Variants in BMP5 observed in about 807,000 individuals in gnomAD.
BMP5 encodes bone morphogenetic protein 5.
A neutral mutation model predicts 46.6 loss-of-function variants in BMP5; 23 were observed. That is an observed-to-expected ratio of 0.49 (90% CI 0.35 to 0.70). The LOEUF (loss-of-function observed/expected upper bound fraction) is 0.70, where lower values mean the gene tolerates loss of function less well. Ranked by LOEUF, BMP5 falls within the 30% of genes least tolerant of loss-of-function variation. BMP5 has a pLI of 0.00. For synonymous variants in BMP5, 204 were observed against 191.9 expected, an observed-to-expected ratio of 1.06 and a Z score of -0.52; for missense variants, 545 against 565.6, an observed-to-expected ratio of 0.96 and a Z score of 0.37.
intron 3 of BMP5, among the ~76,000 whole-genome samples, chr6:55,790,739 T>G (rs1387511601): frequency 6.6e-6 from 1 of 152,158 alleles, no homozygotes; most frequent in Non-Finnish European, 1.5e-5. Context: ...ATGACTTCCC[T>G]TCCTCTTCAT....
At position 55,766,233 on chromosome 6, in the gene BMP5, T is replaced by C. The variant is rs578221566; in HGVS notation, c.1028-5700A>G. ...TTCTAAAATAACACTTTATCCCTGC[T>C]CCTCTTTGACATCTCTGATTTTTTT... On this transcript the variant is annotated intron_variant, in intron 4 of 6. Transcript: ENST00000370830. 5.9e-5 allele frequency among the ~76,000 whole-genome samples: 9 copies of C among 152,262 alleles called. No homozygotes were observed. In the South Asian group the frequency reaches 6.2e-4, roughly 11 times the overall value.
At position 55,794,418 on chromosome 6, in the gene BMP5, A is replaced by T; in HGVS notation, c.693T>A (p.Asp231Glu). 6.2e-7 allele frequency: 1 copy of T among 1,613,986 alleles called. No individual in the cohort carries two copies. Among genetic ancestry groups the T allele is most frequent in the Non-Finnish European group, 8.5e-7 (1 of 1,179,900 alleles). The change falls in exon 3 of 7, where the codon GAT (aspartate) becomes GAA (glutamate). Residue 231 changes from aspartate (D) to glutamate (E), a missense_variant. By Grantham distance (45) the Asp-to-Glu change is conservative. Transcript: ENST00000370830. ...CCTTTCTTGTGTCTAACAAGAACAG[A>T]TCTGCATCCCTAAAAAGAAAAGGAA... ...IIKEYTNRDA[D>E]LFLLDTRKAQ...
At chr6:55,853,004 C>A (rs1343190233) in intron 1 of BMP5, among the ~76,000 whole-genome samples, 1 of 151,790 alleles carries the variant, frequency 6.6e-6, no homozygotes, top group Admixed American at 6.6e-5. Flanking sequence ...GTGGTGCCCG[C>A]CTGTAGTCCC....
chr6:55,865,333 TAAC>T, intron 1 of BMP5: 1 of 439,530 alleles, frequency 2.3e-6, no homozygotes, highest in South Asian at 1.6e-5. Flanking sequence ...TTCCCCTCCT[TAAC>T]AAGCAAGGAA....
At chr6:55,873,926 C>A (rs1321321581) in intron 1 of BMP5, among the ~76,000 whole-genome samples, 1 of 151,848 alleles carries the variant, frequency 6.6e-6, no homozygotes, top group African/African-American at 2.4e-5. Flanking sequence ...GTAGTTGCCT[C>A]CCCTAGATGA....
rs1192033190 is a variant in BMP5, at chr6:55,754,487, A to C, written c.*1046T>G. ...GTTCTTTAGAAATGGCAATTCTGTC[A>C]AAGCCATTCTGGGACTTTTGGTAAT... On this transcript the variant is annotated 3_prime_UTR_variant, in exon 7 of 7. Transcript: ENST00000370830. 6.6e-6 allele frequency: 1 copy of C among 152,008 alleles called. No homozygotes were observed. Among genetic ancestry groups the C allele is most frequent in the African/African-American group, 2.4e-5 (1 of 41,430 alleles). 9.4% of individuals were successfully genotyped at this position (152,008 alleles called of 1,614,324 possible). A position where few individuals can be genotyped will look rare whatever the true frequency, so the allele number is the denominator to read the frequency against.
intron 2 of BMP5, among the ~76,000 whole-genome samples, chr6:55,814,329 T>C (rs1776206071): frequency 6.6e-6 from 1 of 152,170 alleles, no homozygotes; most frequent in African/African-American, 2.4e-5. Flanking sequence ...CTAACATAGA[T>C]GCTCATATGA....
At chr6:55,815,998 AGGAAT>A (rs1776253824) in intron 2 of BMP5, among the ~76,000 whole-genome samples, 1 of 152,140 alleles carries the variant, frequency 6.6e-6, no homozygotes, top group Admixed American at 6.5e-5. Context: ...CAGAAAAGAT[AGGAAT>A]TTTAATTGTG....
chr6:55,833,726 G>C (rs892336353), intron 1 of BMP5, among the ~76,000 whole-genome samples: 23 of 152,152 alleles, frequency 1.5e-4, no homozygotes, highest in Non-Finnish European at 8.8e-5. Flanking sequence ...AAAAGTCTGT[G>C]TCGTTAACTA....
At chr6:55,761,135 C>A (rs79115224) in intron 4 of BMP5, among the ~76,000 whole-genome samples, 1 of 151,200 alleles carries the variant, frequency 6.6e-6, no homozygotes, top group African/African-American at 2.4e-5. Context: ...CAAAATAGTT[C>A]TTTTTTTTTC....
intron 1 of BMP5, among the ~76,000 whole-genome samples, chr6:55,855,564 A>G (rs1292283239): frequency 6.6e-6 from 1 of 152,186 alleles, no homozygotes; most frequent in African/African-American, 2.4e-5. Flanking sequence ...TTGCAAATTA[A>G]CAACCCTTAG....
At chr6:55,786,352 A>G (rs1477308677) in intron 3 of BMP5, among the ~76,000 whole-genome samples, 1 of 151,740 alleles carries the variant, frequency 6.6e-6, no homozygotes, top group Non-Finnish European at 1.5e-5. Flanking sequence ...TTACCTGAAA[A>G]TTTACATTAT....
intron 1 of BMP5, among the ~76,000 whole-genome samples, chr6:55,844,703 T>C (rs979644527): frequency 1.5e-4 from 23 of 151,898 alleles, no homozygotes; most frequent in Admixed American, 1.3e-3. Context: ...AATTTTTTTC[T>C]TGACCTTTAA....
intron 2 of BMP5, among the ~76,000 whole-genome samples, chr6:55,818,821 T>C (rs530406210): frequency 9.2e-5 from 14 of 152,254 alleles, no homozygotes; most frequent in Non-Finnish European, 1.9e-4. Flanking sequence ...CAAAAAAGGA[T>C]ATATTATTTC....
intron 3 of BMP5, among the ~76,000 whole-genome samples, chr6:55,779,917 A>G (rs533167604): frequency 6.6e-6 from 1 of 152,060 alleles, no homozygotes; most frequent in Non-Finnish European, 1.5e-5. Flanking sequence ...ATTTTAAACT[A>G]TTTTTTAAGT....
chr6:55,818,271 G>T (rs1275160096), intron 2 of BMP5, among the ~76,000 whole-genome samples: 3 of 150,922 alleles, frequency 2.0e-5, no homozygotes, highest in Admixed American at 6.6e-5. Context: ...TAATCTTTTG[G>T]TACCTAATTT....
At chr6:55,774,712 G>GAT (rs1341376291) in intron 3 of BMP5, among the ~76,000 whole-genome samples, 2 of 151,924 alleles carry the variant, frequency 1.3e-5, no homozygotes, top group Non-Finnish European at 2.9e-5. Flanking sequence ...AATTAGTGGT[G>GAT]ATAGCCTTTC....
intron 1 of BMP5, chr6:55,865,477 G>A (rs1777617959): frequency 4.2e-6 from 2 of 477,784 alleles, no homozygotes; most frequent in Admixed American, 4.4e-5. Flanking sequence ...TCAGAGGAAA[G>A]CACCACAGTC....
chr6:55,806,786 T>A (rs2127533581), intron 2 of BMP5, among the ~76,000 whole-genome samples: 1 of 152,316 alleles, frequency 6.6e-6, no homozygotes, highest in Admixed American at 6.5e-5. Context: ...GTCCTTCACA[T>A]CCCTTGTTAG....
Sources: allele counts gnomAD v4.1 joint callset (sites outside exome capture counted in the v4.1 genomes callset), GRCh38; gene constraint gnomAD v4.1.1; transcripts MANE v1.5; gene names NCBI Gene and HGNC (gene_info 2026-07-23, HGNC 2026-07-21).